USP16: variants seen among roughly 807,000 people sequenced by gnomAD.
USP16 encodes ubiquitin carboxyl-terminal hydrolase 16.
USP16 carries 77 observed loss-of-function variants against 95.9 expected under a neutral mutation model. That is an observed-to-expected ratio of 0.80 (90% CI 0.67 to 0.97). USP16 has a LOEUF of 0.97. Among genes scored for constraint, USP16 ranks in the 50% least tolerant of loss-of-function variants. The probability of loss-of-function intolerance (pLI) is 0.00; values close to 1 mark genes in which losing one functional copy is unlikely to be tolerated. For synonymous variants in USP16, 303 were observed against 318.2 expected, an observed-to-expected ratio of 0.95 and a Z score of 0.51; for missense variants, 943 against 959.9, an observed-to-expected ratio of 0.98 and a Z score of 0.23.
At position 29,034,772 on chromosome 21, in the gene USP16, A is replaced by T. The variant is rs969906050; in HGVS notation, c.241-65A>T. 2.1e-6 allele frequency: 3 copies of T among 1,437,558 alleles called. No individual in the cohort carries two copies. The African/African-American group carries it at 4.2e-5, about 20-fold the overall frequency. 89.1% of individuals were successfully genotyped at this position (1,437,558 alleles called of 1,614,324 possible). ...TGAGCCACTTCCTTGTTTATGATAG[A>T]TTATGCATTCTCCCCTCTTGCTGAG... On this transcript the variant is annotated intron_variant, in intron 3 of 17. Coordinates refer to ENST00000399976, the MANE Select transcript of USP16 (RefSeq NM_006447.3).
chr21:29,049,419 T>G (rs1480116945), intron 15 of USP16, among the ~76,000 whole-genome samples: 3 of 152,216 alleles, frequency 2.0e-5, no homozygotes, highest in Non-Finnish European at 2.9e-5. Flanking sequence ...TCACTAAGCT[T>G]GGTTTGAGCA....
At chr21:29,045,278 CAG>C (rs1037335377) in intron 13 of USP16, among the ~76,000 whole-genome samples, 6 of 152,184 alleles carry the variant, frequency 3.9e-5, no homozygotes, top group African/African-American at 1.4e-4. Flanking sequence ...AGTAGCCTCA[CAG>C]GGGCTGTTCT....
chr21:29,048,997 G>A (rs1179760152), intron 15 of USP16, 142 bp downstream of exon 15: 2 of 666,828 alleles, frequency 3.0e-6, no homozygotes, highest in Non-Finnish European at 4.9e-6. Flanking sequence ...AGTCAGAAAG[G>A]GAAAAACATA....
intron 14 of USP16, 56 bp from the exon 15 acceptor site, chr21:29,048,703 AAT>A: frequency 3.0e-6 from 4 of 1,326,382 alleles, no homozygotes; most frequent in Non-Finnish European, 4.3e-6. Context: ...AGCAAATCTG[AAT>A]GCTTTAGGGG....
At chr21:29,046,435 G>A (rs1433643026) in intron 13 of USP16, among the ~76,000 whole-genome samples, 3 of 151,956 alleles carry the variant, frequency 2.0e-5, no homozygotes, top group Admixed American at 6.6e-5. Context: ...GGTGTGAGCC[G>A]CCATGCCCAG....
chr21:29,034,734 T>C lies in USP16; in HGVS notation c.241-103T>C, dbSNP rs147428760. 5.1e-4 allele frequency: 535 copies of C among 1,041,706 alleles called. 2 individuals are homozygous for C. The African/African-American group carries it at 7.6e-3, about 15-fold the overall frequency. 64.5% of individuals were successfully genotyped at this position (1,041,706 alleles called of 1,614,324 possible). A position where few individuals can be genotyped will look rare whatever the true frequency, so the allele number is the denominator to read the frequency against. On this transcript the variant is annotated intron_variant, in intron 3 of 17. Transcript: ENST00000399976. ...CATTTTCTTTTCAAGATTGTAAGAATGGCAGAATTTCATGAGCCACTTCCT... is the reference window on the plus strand; with the variant it reads ...CATTTTCTTTTCAAGATTGTAAGAACGGCAGAATTTCATGAGCCACTTCCT...
chr21:29,045,544 C>G (rs563067990), intron 13 of USP16, among the ~76,000 whole-genome samples: 2 of 151,842 alleles, frequency 1.3e-5, no homozygotes, highest in Admixed American at 6.6e-5. Flanking sequence ...CTTGTGCATC[C>G]TTGAGTTTTC....
At position 29,032,595 on chromosome 21, in the gene USP16, TG is replaced by T. The variant is rs569769559; in HGVS notation, c.240+1823del. Among the ~76,000 whole-genome samples, 1,095 of 152,322 alleles carry T rather than the reference TG, an allele frequency of 7.2e-3. 12 individuals carry two copies. Among genetic ancestry groups the T allele is most frequent in the African/African-American group, 0.025 (1,038 of 41,564 alleles). On this transcript the variant is annotated intron_variant, in intron 3 of 17. Coordinates refer to ENST00000399976, the MANE Select transcript of USP16 (RefSeq NM_006447.3). Reference sequence around the variant, plus strand: ...TTATCAAAGCTGTGTGTATCAAGTTTGCTCTTTTTTTATTACTGAGCGTATT... The same window carrying T: ...TTATCAAAGCTGTGTGTATCAAGTTTCTCTTTTTTTATTACTGAGCGTATT...
Position 29,038,393 on chromosome 21 carries a change from C to A in USP16, c.695C>A (p.Thr232Lys). 3 of 1,612,614 alleles carry A rather than the reference C, an allele frequency of 1.9e-6. No individual in the cohort carries two copies. Among genetic ancestry groups the A allele is most frequent in the Non-Finnish European group, 2.5e-6 (3 of 1,179,076 alleles). Residue 232 changes from threonine to lysine, a missense_variant, in exon 7 of 18, where the codon ACA becomes AAA. By Grantham distance (78) the Thr-to-Lys change is moderately conservative (BLOSUM62 -1). Transcript: ENST00000399976. ...ELLKEVKMSGTIVKIEPPDLA... is the reference protein window; with the variant it reads ...ELLKEVKMSGKIVKIEPPDLA... ...CTAAAAGAAGTGAAAATGTCTGGAACAATTGTAAAAATTGAACCACCTGAT... is the reference window on the plus strand; with the variant it reads ...CTAAAAGAAGTGAAAATGTCTGGAAAAATTGTAAAAATTGAACCACCTGAT...
chr21:29,046,634 T>G, intron 13 of USP16, 33 bp from the exon 14 acceptor site: 1 of 1,554,962 alleles, frequency 6.4e-7, no homozygotes, highest in South Asian at 1.3e-5. Context: ...TTTCTTTTTC[T>G]TTATTTTTTG....
At chr21:29,048,048 C>CGT (rs67919060) in intron 14 of USP16, among the ~76,000 whole-genome samples, 10,586 of 123,628 alleles carry the variant, frequency 0.086, 486 homozygotes, top group South Asian at 0.1. Flanking sequence ...AGAGACGATA[C>CGT]GTGTGTGTGT....
chr21:29,043,751 T>C (rs1032050478), intron 13 of USP16, 152 bp downstream of exon 13: 1 of 745,630 alleles, frequency 1.3e-6, no homozygotes, highest in African/African-American at 1.8e-5. Flanking sequence ...TAGTATTCTC[T>C]GCAGGGAAAT....
At chr21:29,028,306 T>A (rs865825421) in intron 2 of USP16, among the ~76,000 whole-genome samples, 19 of 150,844 alleles carry the variant, frequency 1.3e-4, no homozygotes, top group Non-Finnish European at 2.2e-4. Context: ...TTTTTTTTTT[T>A]AATAGTGACG....
intron 8 of USP16, 93 bp downstream of exon 8, chr21:29,039,249 G>A (rs1038429825): frequency 8.3e-6 from 10 of 1,199,872 alleles, no homozygotes; most frequent in African/African-American, 6.3e-5. Flanking sequence ...AATATTAATA[G>A]CATTACATTT....
At chr21:29,042,215 T>C in intron 11 of USP16, 111 bp downstream of exon 11, 1 of 995,996 alleles carries the variant, frequency 1.0e-6, no homozygotes. Context: ...TTTAAACTAT[T>C]CAGATGCTAT....
intron 16 of USP16, among the ~76,000 whole-genome samples, chr21:29,051,763 A>C (rs1446524586): frequency 6.6e-6 from 1 of 152,052 alleles, no homozygotes; most frequent in East Asian, 1.9e-4. Context: ...CCTGGGAGGC[A>C]GAGCTGCAGT....
intron 13 of USP16, among the ~76,000 whole-genome samples, chr21:29,044,348 TC>T (rs1290713934): frequency 6.6e-6 from 1 of 152,088 alleles, no homozygotes; most frequent in Non-Finnish European, 1.5e-5. Flanking sequence ...TTGGTTTTTT[TC>T]CCCCTTTCTC....
chr21:29,030,702 G>A lies in USP16; in HGVS notation c.169G>A (p.Val57Met), dbSNP rs2085065110. 4 of 1,613,982 alleles carry A rather than the reference G, an allele frequency of 2.5e-6. 1 individual carries two copies. Among genetic ancestry groups the A allele is most frequent in the South Asian group, 2.2e-5 (2 of 91,036 alleles). Residue 57 changes from valine to methionine, a missense_variant, in exon 3 of 18, where the codon GTG becomes ATG. By Grantham distance (21) the Val-to-Met change is conservative. Transcript: ENST00000399976. ...ICQDCKTDNKVKDKAEEETEE... is the reference protein window; with the variant it reads ...ICQDCKTDNKMKDKAEEETEE... ...CCAAGACTGTAAGACTGACAATAAA[G>A]TGAAAGATAAAGCTGAAGAAGAAAC... is the stretch of plus-strand genomic sequence containing the variant.
chr21:29,047,032 T>C lies in USP16; in HGVS notation c.1722T>C (p.Asn574=). 6.2e-7 allele frequency: 1 copy of C among 1,614,110 alleles called. No homozygotes were observed. Among genetic ancestry groups the C allele is most frequent in the Non-Finnish European group, 8.5e-7 (1 of 1,180,028 alleles). The part of the protein sequence containing the change: ...EGSNGEVDIS[N]GFKNLNLNAA... ...GCAATGGAGAAGTGGACATTTCCAATGGTTTCAAAAACCTAAATTTGAATG... is the reference window on the plus strand; with the variant it reads ...GCAATGGAGAAGTGGACATTTCCAACGGTTTCAAAAACCTAAATTTGAATG... The change falls in exon 14 of 18, where the codon AAT becomes AAC. Residue 574 remains asparagine, a synonymous_variant. Coordinates refer to ENST00000399976, the MANE Select transcript of USP16 (RefSeq NM_006447.3).
Sources: allele counts gnomAD v4.1 joint callset (sites outside exome capture counted in the v4.1 genomes callset), GRCh38; gene constraint gnomAD v4.1.1; transcripts MANE v1.5; gene names NCBI Gene and HGNC (gene_info 2026-07-23, HGNC 2026-07-21).